Variants in SPATC1 observed in about 807,000 individuals in gnomAD.
SPATC1 encodes speriolin.
SPATC1 carries 35 observed loss-of-function variants against 36.5 expected under a neutral mutation model. That is an observed-to-expected ratio of 0.96 (90% CI 0.73 to 1.27). The LOEUF (loss-of-function observed/expected upper bound fraction) is 1.27, where lower values mean the gene tolerates loss of function less well. Ranked by LOEUF, SPATC1 falls within the 50% of genes most tolerant of loss-of-function variation. The pLI is 0.00. For missense variants in SPATC1, 779 were observed against 796.0 expected (o/e 0.98, Z 0.26); for synonymous variants, 361 against 353.6 (o/e 1.02, Z -0.24).
intron 1 of SPATC1, among the ~76,000 whole-genome samples, chr8:144,014,275 A>G (rs950233191): frequency 1.3e-4 from 20 of 149,470 alleles, no homozygotes; most frequent in East Asian, 7.8e-4. Context: ...GAAAGAAAGA[A>G]AGAGAGAGAG....
Position 144,023,777 on chromosome 8 carries a change from T to A in SPATC1, c.211+11051T>A, listed in dbSNP as rs1483741820. Among the ~76,000 whole-genome samples, 51 of 17,482 alleles carry A rather than the reference T, an allele frequency of 2.9e-3. 25 individuals are homozygous for A. The highest frequency in any genetic ancestry group is 6.9e-3 in the Admixed American group (12 of 1,738). 11.5% of individuals were successfully genotyped at this position (17,482 alleles called of 152,430 possible). ...TTCCTTCAGAACCCTTTCCCTAAGG[T>A]CCCTCTTCCCTCAGAACCCTCTAGA... On this transcript the variant is annotated intron_variant, in intron 1 of 4. Transcript: ENST00000377470.
rs1269680797 is a variant in SPATC1, at chr8:144,046,014, C to T, written c.1447-613C>T. 1.3e-5 allele frequency among the ~76,000 whole-genome samples: 2 copies of T among 152,144 alleles called. No individual in the cohort carries two copies. Among genetic ancestry groups the T allele is most frequent in the African/African-American group, 4.8e-5 (2 of 41,432 alleles). ...GCTGGTTCCCAGGCCCTGGCCCTGG[C>T]CCCAGGCCCAGGAGGACGCAGATGG... On this transcript the variant is annotated intron_variant, in intron 4 of 4. Transcript: ENST00000377470. This position sits in a 1 kb window ranked among gnomAD's most constrained non-coding sequence, Gnocchi z 6.6.
At position 144,046,348 on chromosome 8, in the gene SPATC1, G is replaced by A. The variant is rs542455340; in HGVS notation, c.1447-279G>A. ...CTCCCTGGTGGTGCGTGGAGCAGAC[G>A]ACAGGGTTGGGGCATCCTCTTCCAC... On this transcript the variant is annotated intron_variant, in intron 4 of 4. Coordinates refer to ENST00000377470, the MANE Select transcript of SPATC1 (RefSeq NM_198572.3). This position sits in a 1 kb window ranked among gnomAD's most constrained non-coding sequence, Gnocchi z 6.6. Among the ~76,000 whole-genome samples, 24 of 152,248 alleles carry A rather than the reference G, an allele frequency of 1.6e-4. No individual in the cohort carries two copies. The highest frequency in any genetic ancestry group is 2.6e-4 in the Non-Finnish European group (18 of 67,980).
rs1047529953 is a variant in SPATC1, at chr8:144,033,631, T to G, written c.212-6278T>G. ...TTTCAGTTGCTACCTGTCTGGCTAG[T>G]TTGAGTCCAAAGGGAAAGACAAATG... On this transcript the variant is annotated intron_variant, in intron 1 of 4. Coordinates refer to ENST00000377470, the MANE Select transcript of SPATC1 (RefSeq NM_198572.3). Among the ~76,000 whole-genome samples the G allele has an allele frequency of 2.0e-5, 3 of 152,172 alleles. No individual in the cohort carries two copies. In the East Asian group the frequency reaches 5.8e-4, roughly 29 times the overall value.
rs1554755353 is a variant in SPATC1 at position 144,039,920 on chromosome 8, C to A, written c.223C>A (p.Pro75Thr). The A allele has an allele frequency of 6.2e-7, 1 of 1,613,024 alleles. No homozygotes were observed. The highest frequency in any genetic ancestry group is 8.5e-7 in the Non-Finnish European group (1 of 1,179,436). Residue 75 changes from proline (P) to threonine (T), a missense_variant, in exon 2 of 5, where the codon CCC (proline) becomes ACC (threonine). Pro to Thr is a conservative substitution (Grantham distance 38, BLOSUM62 -1). Coordinates refer to ENST00000377470, the MANE Select transcript of SPATC1 (RefSeq NM_198572.3). ...CTCTGTGTTCCCAGGTGTCTTCCTG[C>A]CCCCGTCCCCAGCAGTGGCAAACGA... ...SSRQNNGVFL[P>T]PSPAVANERV...
chr8:144,023,341 T>C (rs1834591163), intron 1 of SPATC1, among the ~76,000 whole-genome samples: 1 of 139,428 alleles, frequency 7.2e-6, no homozygotes, highest in Non-Finnish European at 1.6e-5. Context: ...CAGGATCCTC[T>C]CCCCTCAGGA....
At chr8:144,028,605 G>A (rs1456289957) in intron 1 of SPATC1, among the ~76,000 whole-genome samples, 1 of 152,138 alleles carries the variant, frequency 6.6e-6, no homozygotes, top group Non-Finnish European at 1.5e-5. Context: ...ACTGTTGGTG[G>A]GAATGTAAAC....
Position 144,012,620 on chromosome 8 carries a change from C to G in SPATC1, c.105C>G (p.His35Gln). 1 of 1,551,740 alleles carries G rather than the reference C, an allele frequency of 6.4e-7. No homozygotes were observed. The highest frequency in any genetic ancestry group is 8.7e-7 in the Non-Finnish European group (1 of 1,147,002). The change falls in exon 1 of 5, where the codon CAC becomes CAG. Residue 35 changes from histidine (H) to glutamine (Q), a missense_variant. His to Gln is a conservative substitution (Grantham distance 24). Transcript: ENST00000377470. Reference protein sequence around the residue: ...KKLVRLIRENHELKSAIKTQA... With the variant: ...KKLVRLIRENQELKSAIKTQA... ...TGGTGCGGCTCATTCGGGAGAATCA[C>G]GAGCTCAAGTCAGCGATCAAGACTC... is the stretch of plus-strand genomic sequence containing the variant.
chr8:144,032,498 G>T (rs1001723036), intron 1 of SPATC1, among the ~76,000 whole-genome samples: 2 of 151,804 alleles, frequency 1.3e-5, no homozygotes, highest in Non-Finnish European at 2.9e-5. Flanking sequence ...GGATGGTCTC[G>T]ATCTCTTGAC....
intron 1 of SPATC1, among the ~76,000 whole-genome samples, chr8:144,030,687 C>CT (rs1834775822): frequency 6.6e-6 from 1 of 152,102 alleles, no homozygotes; most frequent in African/African-American, 2.4e-5. Context: ...TGTCTTATGT[C>CT]TTTTTTCCCC....
chr8:144,039,794 C>A, intron 1 of SPATC1, 115 bp from the exon 2 acceptor site: 2 of 1,148,884 alleles, frequency 1.7e-6, no homozygotes, highest in African/African-American at 1.6e-5. Context: ...GTCAGCTCAT[C>A]GGGGACAGAT....
Position 144,017,899 on chromosome 8 carries a change from A to C in SPATC1, c.211+5173A>C, listed in dbSNP as rs943468914. ...TGGACAAAATTATTTTAAGATGTCC[A>C]CACAACATCCACGTGGAGTGTCCAG... On this transcript the variant is annotated intron_variant, in intron 1 of 4. Coordinates refer to ENST00000377470, the MANE Select transcript of SPATC1 (RefSeq NM_198572.3). Among the ~76,000 whole-genome samples, 12 of 152,322 alleles carry C rather than the reference A, an allele frequency of 7.9e-5. No homozygotes were observed. The South Asian group carries it at 2.1e-3, about 26-fold the overall frequency.
Position 144,040,564 on chromosome 8 carries a change from C to T in SPATC1, c.767-4C>T. Reference sequence around the variant, plus strand: ...TTTTATTTCTGTTCCCTCCACATCACTAGTCCCACTCTCCACTGAGCCCCC... The same window carrying T: ...TTTTATTTCTGTTCCCTCCACATCATTAGTCCCACTCTCCACTGAGCCCCC... On this transcript the variant is annotated splice_region_variant and splice_polypyrimidine_tract_variant and intron_variant, in intron 2 of 4. Transcript: ENST00000377470. 1.9e-6 allele frequency: 3 copies of T among 1,584,002 alleles called. No homozygotes were observed. The highest frequency in any genetic ancestry group is 2.6e-6 in the Non-Finnish European group (3 of 1,165,428).
In SPATC1 at chr8:144,045,607, G is replaced by A. The variant is rs1467318553; in HGVS notation, c.1447-1020G>A. On this transcript the variant is annotated intron_variant, in intron 4 of 4. Transcript: ENST00000377470. The surrounding 1 kb of genome is among the most constrained non-coding windows in gnomAD (Gnocchi z 5.2). The stretch of plus-strand genomic sequence containing the variant: ...GCCCTCCCCCAAGTGTTGGAGCAGC[G>A]GAAACTGCAGGAGGAGCTTGGGCAG... Among the ~76,000 whole-genome samples the A allele has an allele frequency of 8.5e-5, 13 of 152,184 alleles. No homozygotes were observed. Among genetic ancestry groups the A allele is most frequent in the South Asian group, 2.1e-4 (1 of 4,832 alleles).
intron 1 of SPATC1, among the ~76,000 whole-genome samples, chr8:144,024,578 T>G (rs1423191643): frequency 6.9e-6 from 1 of 145,158 alleles, no homozygotes; most frequent in Non-Finnish European, 1.5e-5. Flanking sequence ...CAGAACCCTT[T>G]CCCTAAGGTC....
At chr8:144,039,043 T>C (rs1834988867) in intron 1 of SPATC1, among the ~76,000 whole-genome samples, 1 of 152,246 alleles carries the variant, frequency 6.6e-6, no homozygotes, top group African/African-American at 2.4e-5. Flanking sequence ...GAACTATCTG[T>C]GGCTTTTCAT....
In SPATC1 at chr8:144,016,343, C is replaced by CTGTGTGTGTGTGAGTTGCTG. The variant is rs1834393322; in HGVS notation, c.211+3631_211+3650dup. 6.6e-6 allele frequency among the ~76,000 whole-genome samples: 1 copy of CTGTGTGTGTGTGAGTTGCTG among 151,490 alleles called. No individual in the cohort carries two copies. Among genetic ancestry groups the CTGTGTGTGTGTGAGTTGCTG allele is most frequent in the Non-Finnish European group, 1.5e-5 (1 of 67,878 alleles). On this transcript the variant is annotated intron_variant, in intron 1 of 4. Transcript: ENST00000377470. The surrounding 1 kb of genome is among the most constrained non-coding windows in gnomAD (Gnocchi z 4.5). ...TGTGAGTGAATGTGTGCATATGGCT[C>CTGTGTGTGTGTGAGTTGCTG]TGTGTGTGTGTGAGTTGCTGTGTGT...
At position 144,041,065 on chromosome 8, in the gene SPATC1, C is replaced by A; in HGVS notation, c.1264C>A (p.Leu422Met). The A allele has an allele frequency of 6.3e-7, 1 of 1,598,698 alleles. No individual in the cohort carries two copies. Among genetic ancestry groups the A allele is most frequent in the Non-Finnish European group, 8.5e-7 (1 of 1,172,072 alleles). The change falls in exon 3 of 5, where the codon CTG becomes ATG. Residue 422 changes from leucine to methionine, a missense_variant. Coordinates refer to ENST00000377470, the MANE Select transcript of SPATC1 (RefSeq NM_198572.3). ...GAGCATGATGGAGGTGGAACGGAAG[C>A]TGGCCCACCGCAAGACCAGCAAGTT... ...TKSMMEVERKLAHRKTSKFPE... is the reference protein window; with the variant it reads ...TKSMMEVERKMAHRKTSKFPE...
At chr8:144,017,464 G>C (rs1361922712) in intron 1 of SPATC1, among the ~76,000 whole-genome samples, 2 of 152,152 alleles carry the variant, frequency 1.3e-5, no homozygotes, top group Admixed American at 1.3e-4. Flanking sequence ...GAGGAACACA[G>C]GAGGAAACAG....
Sources: allele counts gnomAD v4.1 joint callset (sites outside exome capture counted in the v4.1 genomes callset), GRCh38; gene constraint gnomAD v4.1.1; non-coding constraint Gnocchi (gnomAD v3.1); transcripts MANE v1.5; gene names NCBI Gene and HGNC (gene_info 2026-07-23, HGNC 2026-07-21).